The following TTC13 variants were observed in gnomAD, a reference collection of about 807,000 sequenced individuals.
The protein encoded by TTC13 is tetratricopeptide repeat protein 13.
TTC13 carries 62 observed loss-of-function variants against 120.0 expected under a neutral mutation model. That is an observed-to-expected ratio of 0.52 (90% CI 0.42 to 0.64). TTC13 has a LOEUF of 0.64. Among genes scored for constraint, TTC13 ranks in the 30% least tolerant of loss-of-function variants. The pLI, the probability that TTC13 is intolerant of heterozygous loss-of-function variation, is 0.00. For missense variants in TTC13, 824 were observed against 1,050.2 expected, an observed-to-expected ratio of 0.78 and a Z score of 2.98; for synonymous variants, 384 against 393.5, an observed-to-expected ratio of 0.98 and a Z score of 0.28.
chr1:230,928,022 C>T (rs1416723063), intron 12 of TTC13, among the ~76,000 whole-genome samples: 8 of 152,084 alleles, frequency 5.3e-5, no homozygotes, highest in Admixed American at 2.6e-4. Context: ...TGCAGCAATA[C>T]CATTCTGTTC....
chr1:230,915,858 G>A (rs7534907), intron 18 of TTC13, among the ~76,000 whole-genome samples: 103,226 of 151,346 alleles, frequency 0.68, 35,280 homozygotes, highest in Admixed American at 0.72. Context: ...ACTTCAATCC[G>A]CCAACTGCTC....
chr1:230,908,629 T>C (rs763458849), intron 22 of TTC13, 83 bp downstream of exon 22: 29 of 1,092,488 alleles, frequency 2.7e-5, no homozygotes, highest in East Asian at 1.2e-4. Flanking sequence ...AGTTCCAGTT[T>C]TCATAGCGCT....
chr1:230,933,908 A>G, intron 8 of TTC13, 47 bp from the exon 9 acceptor site: 2 of 1,178,666 alleles, frequency 1.7e-6, no homozygotes, highest in South Asian at 2.7e-5. Flanking sequence ...AATTGTTAAA[A>G]TTGAGATTCA....
chr1:230,958,062 A>G (rs1175359253), intron 3 of TTC13, among the ~76,000 whole-genome samples, 162 bp downstream of exon 3: 1 of 152,146 alleles, frequency 6.6e-6, no homozygotes, highest in Non-Finnish European at 1.5e-5. Context: ...CTTGACATAT[A>G]ATAAATGGAA....
chr1:230,959,399 G>A (rs1179369169), intron 2 of TTC13, among the ~76,000 whole-genome samples: 1 of 132,950 alleles, frequency 7.5e-6, no homozygotes, highest in South Asian at 2.5e-4. Context: ...TTTTTTTTTT[G>A]AGACAAAGTT....
intron 8 of TTC13, chr1:230,936,374 G>C: frequency 2.6e-6 from 1 of 388,344 alleles, no homozygotes; most frequent in East Asian, 7.3e-5. Flanking sequence ...GAATTAATTT[G>C]CTTGGCAAAT....
intron 1 of TTC13, among the ~76,000 whole-genome samples, chr1:230,977,542 T>A (rs928009081): frequency 3.3e-5 from 5 of 151,812 alleles, no homozygotes; most frequent in Non-Finnish European, 7.4e-5. Flanking sequence ...CAGACTGTAC[T>A]AAAAGGAAAT....
intron 1 of TTC13, 145 bp from the exon 2 acceptor site, chr1:230,961,448 G>A (rs11122163): frequency 0.031 from 18,974 of 611,124 alleles, 683 homozygotes; most frequent in African/African-American, 0.13. Flanking sequence ...GCTGGGCACA[G>A]TGCCTCACAC....
At chr1:230,946,618 C>T (rs2102901116) in intron 4 of TTC13, among the ~76,000 whole-genome samples, 1 of 152,252 alleles carries the variant, frequency 6.6e-6, no homozygotes, top group Non-Finnish European at 1.5e-5. Flanking sequence ...TCTCTTAGAA[C>T]ATCAAAAGAT....
chr1:230,915,881 T>C (rs1671969138), intron 18 of TTC13, among the ~76,000 whole-genome samples: 1 of 130,686 alleles, frequency 7.7e-6, no homozygotes, highest in South Asian at 2.5e-4. Flanking sequence ...CTTTTTTCAT[T>C]TTATTAGTAA....
chr1:230,959,535 C>T (rs1010219576), intron 2 of TTC13, among the ~76,000 whole-genome samples: 21 of 152,326 alleles, frequency 1.4e-4, no homozygotes, highest in Non-Finnish European at 2.6e-4. Flanking sequence ...GCATGCGCCA[C>T]CACCCCTGCT....
intron 8 of TTC13, among the ~76,000 whole-genome samples, chr1:230,937,346 A>G (rs891975312): frequency 6.6e-6 from 1 of 152,232 alleles, no homozygotes; most frequent in Non-Finnish European, 1.5e-5. Flanking sequence ...TAATACAAAT[A>G]GGTTGGTATT....
chr1:230,953,859 T>C (rs1675809751), intron 4 of TTC13, among the ~76,000 whole-genome samples: 1 of 152,200 alleles, frequency 6.6e-6, no homozygotes, highest in Non-Finnish European at 1.5e-5. Flanking sequence ...CTGAGGAGTC[T>C]CATAATTATA....
intron 4 of TTC13, among the ~76,000 whole-genome samples, chr1:230,946,136 G>A (rs573714062): frequency 6.2e-4 from 95 of 152,294 alleles, no homozygotes; most frequent in African/African-American, 2.1e-3. Context: ...CAGGTTAGTT[G>A]GTGAGTGAAT....
rs745624116 is a variant in TTC13 at position 230,943,868 on chromosome 1, C to T, written c.610G>A (p.Glu204Lys). The T allele has an allele frequency of 3.7e-6, 6 of 1,611,286 alleles. No individual in the cohort carries two copies. Among genetic ancestry groups the T allele is most frequent in the Admixed American group, 1.7e-5 (1 of 59,884 alleles). Residue 204 changes from glutamate (E) to lysine (K), a missense_variant, in exon 6 of 23, where the codon GAA (glutamate) becomes AAA (lysine). By Grantham distance (56) the Glu-to-Lys change is moderately conservative. Transcript: ENST00000366661. Reference protein sequence around the residue: ...DIKNAELALFELSRVITLEPD... With the variant: ...DIKNAELALFKLSRVITLEPD... The stretch of plus-strand genomic sequence containing the variant: ...TCCAAGGTAATTACTCGGCTCAGTT[C>T]GAACAGAGCAAGCTCAGCATTCTTA...
intron 18 of TTC13, among the ~76,000 whole-genome samples, chr1:230,915,054 A>T (rs1223898036): frequency 6.6e-6 from 1 of 152,192 alleles, no homozygotes; most frequent in Non-Finnish European, 1.5e-5. Context: ...AATGATCTTT[A>T]TTGGGAACGT....
intron 1 of TTC13, among the ~76,000 whole-genome samples, chr1:230,972,311 A>G (rs999529942): frequency 2.6e-5 from 4 of 152,092 alleles, no homozygotes; most frequent in African/African-American, 9.7e-5. Flanking sequence ...TCAGTTGTTC[A>G]GCTTATGAAA....
intron 8 of TTC13, among the ~76,000 whole-genome samples, chr1:230,938,182 T>G (rs1036396879): frequency 3.3e-5 from 5 of 152,264 alleles, no homozygotes; most frequent in African/African-American, 1.2e-4. Context: ...TTCAAAGTTC[T>G]TGTTAAGTAC....
At chr1:230,928,862 A>AG in intron 12 of TTC13, 75 bp downstream of exon 12, 1 of 1,503,018 alleles carries the variant, frequency 6.7e-7, no homozygotes, top group East Asian at 2.3e-5. Context: ...AGCAGGGAGT[A>AG]GCGTGCCACC....
Sources: gnomAD v4.1 joint callset for allele counts (sites outside exome capture counted in the v4.1 genomes callset) on GRCh38, gnomAD v4.1.1 for gene constraint, MANE v1.5 for transcripts, NCBI Gene and HGNC (gene_info 2026-07-23, HGNC 2026-07-21) for gene names.